FGF14: variants seen among roughly 807,000 people sequenced by gnomAD.
FGF14 encodes fibroblast growth factor homologous factor 4.
FGF14 carries 5 observed loss-of-function variants against 25.5 expected under a neutral mutation model. The ratio of observed to expected loss-of-function variants is 0.20; its 90% confidence interval spans 0.10 to 0.41. FGF14 has a LOEUF of 0.41. FGF14 is among the 10% of genes least tolerant of loss of function. FGF14 has a pLI of 1.00. For missense variants in FGF14, 222 were observed against 320.1 expected (o/e 0.69, Z 2.34); for synonymous variants, 138 against 118.3 (o/e 1.17, Z -1.08).
Position 102,069,811 on chromosome 13 carries a change from C to G in FGF14, c.209-194515G>C, listed in dbSNP as rs544627321. On this transcript the variant is annotated intron_variant, in intron 1 of 4. Transcript: ENST00000376131. ...GGCTTCATTCTTGAAGTCAGTGAGA[C>G]CAAGAACCCACCAATTCCAGACACA... 8.6e-4 allele frequency among the ~76,000 whole-genome samples: 131 copies of G among 152,278 alleles called. No individual in the cohort carries two copies. In the Middle Eastern group the frequency reaches 0.017, roughly 20 times the overall value.
intron 3 of FGF14, among the ~76,000 whole-genome samples, chr13:101,737,788 A>G (rs1427401294): frequency 2.0e-5 from 3 of 152,126 alleles, no homozygotes; most frequent in Non-Finnish European, 4.4e-5. Context: ...AGATTTTTCT[A>G]CTTTTTTCTC....
chr13:101,823,858 A>C (rs2984846), intron 3 of FGF14, among the ~76,000 whole-genome samples: 2 of 149,294 alleles, frequency 1.3e-5, no homozygotes, highest in Admixed American at 1.3e-4. Context: ...ATTTAGTATA[A>C]ATAATTTTCA....
At chr13:102,055,156 T>A (rs2042375813) in intron 1 of FGF14, among the ~76,000 whole-genome samples, 1 of 152,218 alleles carries the variant, frequency 6.6e-6, no homozygotes, top group East Asian at 1.9e-4. Flanking sequence ...TCCAACCTAG[T>A]TTTTCAGCCT....
intron 3 of FGF14, among the ~76,000 whole-genome samples, chr13:101,823,667 C>T (rs1475318922): frequency 2.0e-5 from 3 of 150,588 alleles, no homozygotes; most frequent in Non-Finnish European, 4.4e-5. Flanking sequence ...GAACTCCCGA[C>T]CTGAGGTGAT....
At chr13:101,915,513 GCAAAACAACC>G in intron 1 of FGF14, among the ~76,000 whole-genome samples, 1 of 152,118 alleles carries the variant, frequency 6.6e-6, no homozygotes, top group Admixed American at 6.5e-5. Context: ...CCACATGCTC[GCAAAACAACC>G]AGCCTTAGCA....
intron 1 of FGF14, among the ~76,000 whole-genome samples, chr13:102,135,017 C>CCACACACACACA (rs71125050): frequency 3.5e-5 from 5 of 142,548 alleles, no homozygotes; most frequent in African/African-American, 1.1e-4. Flanking sequence ...GACCCCGTGT[C>CCACACACACACA]CACACACACA....
chr13:102,145,684 T>C lies in FGF14; in HGVS notation c.208+255787A>G, dbSNP rs541354011. On this transcript the variant is annotated intron_variant, in intron 1 of 4. Coordinates refer to the FGF14 transcript ENST00000376131. ...CTGCATAGCAATAGCAAAAGTGATA[T>C]ATATGCCTTTTCCCCAACAGCTATG... Among the ~76,000 whole-genome samples the C allele has an allele frequency of 4.6e-5, 7 of 152,286 alleles. 1 individual carries two copies. The highest frequency in any genetic ancestry group is 7.2e-5 in the African/African-American group (3 of 41,560).
rs145360808 is a variant in FGF14, at chr13:102,294,865, G to A, written c.208+106606C>T. 6.0e-3 allele frequency among the ~76,000 whole-genome samples: 913 copies of A among 152,232 alleles called. 2 individuals carry two copies. The highest frequency in any genetic ancestry group is 9.7e-3 in the Non-Finnish European group (657 of 68,016). On this transcript the variant is annotated intron_variant, in intron 1 of 4. Transcript: ENST00000376131. ...GCCTCAGTTTCCTGATCTACCTCCT[G>A]AGGTTACCGTGAGGACTAAATGAGT...
intron 1 of FGF14, among the ~76,000 whole-genome samples, chr13:102,101,861 C>T (rs2044680388): frequency 6.6e-6 from 1 of 152,236 alleles, no homozygotes; most frequent in East Asian, 1.9e-4. Flanking sequence ...CACGCCACCA[C>T]ACCATTAATT....
chr13:101,876,233 G>A (rs1013489164), intron 1 of FGF14, among the ~76,000 whole-genome samples: 1 of 152,154 alleles, frequency 6.6e-6, no homozygotes, highest in Non-Finnish European at 1.5e-5. Flanking sequence ...ATATTTGCAT[G>A]TGGTTTTGCA....
upstream of FGF14, among the ~76,000 whole-genome samples, chr13:101,918,591 C>G (rs1222461586): frequency 1.3e-5 from 2 of 152,210 alleles, no homozygotes; most frequent in Non-Finnish European, 2.9e-5. Flanking sequence ...GTAGAGTACT[C>G]GCCACCAGGC....
At chr13:101,749,631 G>A (rs1017074667) in intron 3 of FGF14, among the ~76,000 whole-genome samples, 2 of 152,038 alleles carry the variant, frequency 1.3e-5, no homozygotes, top group Admixed American at 6.6e-5. Context: ...TAGGAGACAC[G>A]TTTGACTTTT....
At chr13:102,313,196 T>C (rs917365629) in intron 1 of FGF14, among the ~76,000 whole-genome samples, 2 of 152,218 alleles carry the variant, frequency 1.3e-5, no homozygotes, top group African/African-American at 4.8e-5. Flanking sequence ...TCCACCTCAC[T>C]GTGGGCAGGG....
At chr13:102,150,563 C>T in intron 1 of FGF14, among the ~76,000 whole-genome samples, 1 of 152,138 alleles carries the variant, frequency 6.6e-6, no homozygotes. Context: ...TATTTGCCTC[C>T]TTTAAACATG....
intron 1 of FGF14, among the ~76,000 whole-genome samples, chr13:102,333,183 T>C (rs755868334): frequency 6.6e-6 from 1 of 152,306 alleles, no homozygotes; most frequent in Admixed American, 6.5e-5. Flanking sequence ...CTTGATTATA[T>C]ATATGTAATT....
At chr13:102,320,141 A>G (rs2056189354) in intron 1 of FGF14, among the ~76,000 whole-genome samples, 1 of 152,106 alleles carries the variant, frequency 6.6e-6, no homozygotes, top group Non-Finnish European at 1.5e-5. Flanking sequence ...TTCGGGAGAT[A>G]ATCAGGAGTC....
chr13:101,840,022 A>T (rs1253314366), intron 3 of FGF14, among the ~76,000 whole-genome samples: 1 of 151,988 alleles, frequency 6.6e-6, no homozygotes, highest in Non-Finnish European at 1.5e-5. Flanking sequence ...TTGTGATTTA[A>T]TGCCCAATGA....
At chr13:101,878,131 C>T (rs1269268859) in intron 1 of FGF14, among the ~76,000 whole-genome samples, 1 of 152,146 alleles carries the variant, frequency 6.6e-6, no homozygotes, top group East Asian at 1.9e-4. Flanking sequence ...CTTATCCATC[C>T]CCTGCAAGTA....
intron 3 of FGF14, among the ~76,000 whole-genome samples, chr13:101,746,141 C>A (rs527640199): frequency 2.6e-4 from 40 of 151,974 alleles, no homozygotes; most frequent in Non-Finnish European, 5.0e-4. Flanking sequence ...CTCCTCTGAA[C>A]CCAACCCTCT....
Sources: allele counts gnomAD v4.1 joint callset (sites outside exome capture counted in the v4.1 genomes callset), GRCh38; gene constraint gnomAD v4.1.1; transcripts MANE v1.5; gene names NCBI Gene and HGNC (gene_info 2026-07-23, HGNC 2026-07-21).